CLDN14: variants seen among roughly 807,000 people sequenced by gnomAD.
CLDN14 encodes claudin 14.
In CLDN14, 2 loss-of-function variants were observed where a neutral mutation model predicts 2.1. That is an observed-to-expected ratio of 0.96 (90% CI 0.39 to 3.01). CLDN14 has a LOEUF of 3.01. Ranked by LOEUF, CLDN14 falls within the 30% of genes most tolerant of loss-of-function variation. The pLI is 0.09. For synonymous variants in CLDN14, 136 were observed against 154.4 expected, an observed-to-expected ratio of 0.88 and a Z score of 0.88; for missense variants, 298 against 328.0, an observed-to-expected ratio of 0.91 and a Z score of 0.71.
chr21:36,462,912 C>T (rs905805537), intron 1 of CLDN14, among the ~76,000 whole-genome samples: 8 of 148,080 alleles, frequency 5.4e-5, no homozygotes, highest in South Asian at 2.1e-4. Context: ...AGTAAGACTC[C>T]GTCTCAAAAA....
At chr21:36,529,340 G>T (rs1369056368) in intron 1 of CLDN14, among the ~76,000 whole-genome samples, 1 of 151,946 alleles carries the variant, frequency 6.6e-6, no homozygotes, top group African/African-American at 2.4e-5. Flanking sequence ...CCAGGCTAGA[G>T]TGCAGTGGCA....
At chr21:36,556,029 C>T (rs1031186773) in intron 1 of CLDN14, among the ~76,000 whole-genome samples, 50 of 152,136 alleles carry the variant, frequency 3.3e-4, no homozygotes, top group African/African-American at 1.2e-3. Context: ...AACATCAGCT[C>T]CCAGTCACAG....
At chr21:36,549,452 G>A (rs994801555) in intron 1 of CLDN14, among the ~76,000 whole-genome samples, 1 of 152,166 alleles carries the variant, frequency 6.6e-6, no homozygotes. Flanking sequence ...GGTAAGGGGA[G>A]CTGCCCTCCC....
chr21:36,506,452 T>C (rs8127879), intron 2 of CLDN14, among the ~76,000 whole-genome samples: 134,085 of 152,084 alleles, frequency 0.88, 59,806 homozygotes, highest in African/African-American at 0.93. Flanking sequence ...CAAAAATTAG[T>C]TGGGTGTGGT....
At chr21:36,543,790 C>T (rs745709452) in intron 1 of CLDN14, among the ~76,000 whole-genome samples, 3 of 152,146 alleles carry the variant, frequency 2.0e-5, no homozygotes, top group Non-Finnish European at 4.4e-5. Flanking sequence ...TTCATTTCCC[C>T]TCGTTTCCAA....
chr21:36,543,054 GCC>G (rs2087502737), intron 1 of CLDN14, among the ~76,000 whole-genome samples: 1 of 152,174 alleles, frequency 6.6e-6, no homozygotes, highest in Non-Finnish European at 1.5e-5. Flanking sequence ...CTTCCACCTG[GCC>G]GGAGGTGGGT....
At chr21:36,519,354 G>T (rs1205950879) in intron 1 of CLDN14, among the ~76,000 whole-genome samples, 1 of 152,152 alleles carries the variant, frequency 6.6e-6, no homozygotes, top group East Asian at 1.9e-4. Context: ...GGCCGAAGTG[G>T]GTGGATCGCT....
At chr21:36,524,141 G>T (rs1387360275) in intron 1 of CLDN14, among the ~76,000 whole-genome samples, 2 of 151,344 alleles carry the variant, frequency 1.3e-5, no homozygotes, top group Non-Finnish European at 2.9e-5. Flanking sequence ...ATGAGACGGG[G>T]TCTCACTTGC....
chr21:36,485,477 G>A (rs1002261789), intron 2 of CLDN14, among the ~76,000 whole-genome samples: 3 of 152,176 alleles, frequency 2.0e-5, no homozygotes, highest in African/African-American at 7.2e-5. Context: ...CCAAAGTGTT[G>A]ATATTACAGG....
At chr21:36,468,376 A>G (rs1190649469) in intron 1 of CLDN14, among the ~76,000 whole-genome samples, 1 of 152,146 alleles carries the variant, frequency 6.6e-6, no homozygotes, top group African/African-American at 2.4e-5. Flanking sequence ...CGGGAGTTTG[A>G]GACCAGCCTG....
chr21:36,471,031 C>G (rs923404370), intron 1 of CLDN14, among the ~76,000 whole-genome samples: 2 of 152,120 alleles, frequency 1.3e-5, no homozygotes, highest in African/African-American at 4.8e-5. Flanking sequence ...GCGTCCCCTT[C>G]CAGGACAGGC....
chr21:36,486,767 C>T, intron 2 of CLDN14: 1 of 825,570 alleles, frequency 1.2e-6, no homozygotes, highest in Non-Finnish European at 2.1e-6. Context: ...CCCACGAAGG[C>T]AATGATATGC....
At chr21:36,574,636 C>G (rs909456231) in intron 1 of CLDN14, among the ~76,000 whole-genome samples, 1 of 152,026 alleles carries the variant, frequency 6.6e-6, no homozygotes, top group African/African-American at 2.4e-5. Flanking sequence ...TGGTGGTTAC[C>G]AAAGTAGATA....
chr21:36,485,617 A>C (rs2086887053), intron 2 of CLDN14, among the ~76,000 whole-genome samples: 1 of 152,234 alleles, frequency 6.6e-6, no homozygotes, highest in South Asian at 2.1e-4. Context: ...GCAGCAGTCA[A>C]GTTCATTTCC....
intron 1 of CLDN14, among the ~76,000 whole-genome samples, chr21:36,553,106 G>A (rs192850892): frequency 4.6e-5 from 7 of 152,304 alleles, no homozygotes; most frequent in East Asian, 3.9e-4. Flanking sequence ...TTGGCTGGGC[G>A]TCACCAGCTC....
At chr21:36,527,406 C>T (rs1421571050) in intron 1 of CLDN14, among the ~76,000 whole-genome samples, 1 of 152,212 alleles carries the variant, frequency 6.6e-6, no homozygotes, top group Non-Finnish European at 1.5e-5. Flanking sequence ...AATAATTGGA[C>T]TTTATTGCCT....
At chr21:36,464,265 G>T (rs542673507) in intron 1 of CLDN14, among the ~76,000 whole-genome samples, 1 of 152,144 alleles carries the variant, frequency 6.6e-6, no homozygotes, top group Non-Finnish European at 1.5e-5. Context: ...CCCCAGCCAC[G>T]CTTCCTGTAC....
At chr21:36,559,550 TATTGAG>T (rs1382466552) in intron 1 of CLDN14, among the ~76,000 whole-genome samples, 2 of 152,220 alleles carry the variant, frequency 1.3e-5, no homozygotes, top group African/African-American at 4.8e-5. Context: ...TTTCTGCACC[TATTGAG>T]ATTATCATGT....
Position 36,516,832 on chromosome 21 carries a change from T to C in CLDN14, c.-219-6332A>G, listed in dbSNP as rs540380795. On this transcript the variant is annotated intron_variant, in intron 1 of 2. Coordinates refer to the CLDN14 transcript ENST00000342108. ...GAGCTAAGAATGGTTTTACATTTTA[T>C]TTTACTTTATTTTATTTTGCCTTTT... is the stretch of plus-strand genomic sequence containing the variant. 3.3e-5 allele frequency among the ~76,000 whole-genome samples: 5 copies of C among 152,302 alleles called. 1 individual carries two copies. In the South Asian group the frequency reaches 1.0e-3, roughly 32 times the overall value.
Sources: allele counts gnomAD v4.1 joint callset (sites outside exome capture counted in the v4.1 genomes callset), GRCh38; gene constraint gnomAD v4.1.1; transcripts MANE v1.5; gene names NCBI Gene and HGNC (gene_info 2026-07-23, HGNC 2026-07-21).